Variants in ODAD2 observed in about 807,000 individuals in gnomAD.
ODAD2 encodes outer dynein arm docking complex subunit 2.
Under a neutral mutation model 106.8 loss-of-function variants are expected in ODAD2, and 89 were observed. The ratio of observed to expected loss-of-function variants is 0.83; its 90% CI spans 0.70 to 0.99. The LOEUF (loss-of-function observed/expected upper bound fraction) is 0.99, where lower values mean the gene tolerates loss of function less well. Ranked by LOEUF, ODAD2 falls within the 50% of genes least tolerant of loss-of-function variation. ODAD2 has a pLI of 0.00. For missense variants in ODAD2, 1,168 were observed against 1,238.5 expected (o/e 0.94, Z 0.85); for synonymous variants, 404 against 436.2 (o/e 0.93, Z 0.92).
chr10:27,933,221 G>A (rs1590059869), intron 16 of ODAD2, among the ~76,000 whole-genome samples: 1 of 152,122 alleles, frequency 6.6e-6, no homozygotes, highest in African/African-American at 2.4e-5. Context: ...CTGTATTTCA[G>A]CCTGGGTGAC....
chr10:27,941,141 A>T (rs1846389040), intron 12 of ODAD2, among the ~76,000 whole-genome samples: 1 of 152,114 alleles, frequency 6.6e-6, no homozygotes, highest in Admixed American at 6.6e-5. Flanking sequence ...AGCTTCCCTA[A>T]AACCATTAGC....
chr10:27,886,586 TA>T (rs937686133), intron 17 of ODAD2, among the ~76,000 whole-genome samples: 1 of 152,026 alleles, frequency 6.6e-6, no homozygotes, highest in African/African-American at 2.4e-5. Context: ...AGTTCTTTGG[TA>T]AAAATAAATA....
chr10:27,999,573 C>T (rs2133263265), upstream of ODAD2, among the ~76,000 whole-genome samples: 1 of 152,084 alleles, frequency 6.6e-6, no homozygotes, highest in African/African-American at 2.4e-5. Flanking sequence ...ATGGCCTTTA[C>T]CTTTGTCCAT....
At chr10:27,897,467 C>G (rs1199598862) in intron 17 of ODAD2, among the ~76,000 whole-genome samples, 1 of 152,142 alleles carries the variant, frequency 6.6e-6, no homozygotes, top group African/African-American at 2.4e-5. Flanking sequence ...AAAATTCAAA[C>G]ATCCAATCAC....
intron 19 of ODAD2, among the ~76,000 whole-genome samples, chr10:27,846,048 G>A (rs1838724008): frequency 6.6e-6 from 1 of 152,160 alleles, no homozygotes; most frequent in Non-Finnish European, 1.5e-5. Context: ...TCCAGGAATT[G>A]AACTCAGCTC....
chr10:27,857,681 C>T (rs879710217), intron 19 of ODAD2, among the ~76,000 whole-genome samples: 1 of 152,304 alleles, frequency 6.6e-6, no homozygotes, highest in Admixed American at 6.5e-5. Context: ...GACCCTGCTC[C>T]GTCACTGTCA....
At chr10:27,921,591 T>C (rs768251998) in intron 16 of ODAD2, among the ~76,000 whole-genome samples, 2 of 151,918 alleles carry the variant, frequency 1.3e-5, no homozygotes, top group Admixed American at 6.6e-5. Context: ...TATATGCATA[T>C]ATAAATGGAT....
chr10:27,954,240 G>A (rs554775998), intron 10 of ODAD2, among the ~76,000 whole-genome samples: 1 of 152,232 alleles, frequency 6.6e-6, no homozygotes, highest in South Asian at 2.1e-4. Flanking sequence ...GAACCAGCCA[G>A]TACCACTACT....
chr10:27,947,486 G>T (rs1847018449), intron 10 of ODAD2, among the ~76,000 whole-genome samples: 1 of 151,740 alleles, frequency 6.6e-6, no homozygotes, highest in Non-Finnish European at 1.5e-5. Context: ...TAATAAAGGA[G>T]AATCTACATG....
chr10:27,899,340 C>T (rs755924541), intron 17 of ODAD2, among the ~76,000 whole-genome samples: 23 of 152,112 alleles, frequency 1.5e-4, no homozygotes, highest in African/African-American at 3.1e-4. Flanking sequence ...TTCCCTCAGG[C>T]GCCCACACCA....
intron 16 of ODAD2, among the ~76,000 whole-genome samples, chr10:27,930,350 T>C (rs1163718783): frequency 6.6e-6 from 1 of 152,120 alleles, no homozygotes; most frequent in African/African-American, 2.4e-5. Context: ...CTTAAGAACC[T>C]GTCTTTACAA....
At position 27,862,629 on chromosome 10, in the gene ODAD2, A is replaced by G; in HGVS notation, c.2611-7T>C. 1 of 1,585,226 alleles carries G rather than the reference A, an allele frequency of 6.3e-7. No homozygotes were observed. Among genetic ancestry groups the G allele is most frequent in the Non-Finnish European group, 8.6e-7 (1 of 1,168,390 alleles). On this transcript the variant is annotated splice_region_variant and splice_polypyrimidine_tract_variant and intron_variant, in intron 17 of 19. Coordinates refer to ENST00000305242, the MANE Select transcript of ODAD2 (RefSeq NM_018076.5). The stretch of plus-strand genomic sequence containing the variant: ...GAACCATTTCCCCAGCATCCTAGAC[A>G]AAAATAAAAGTAAAGATGGTATCAA...
intron 19 of ODAD2, among the ~76,000 whole-genome samples, chr10:27,813,102 A>T (rs190831896): frequency 2.0e-5 from 3 of 152,322 alleles, no homozygotes; most frequent in Admixed American, 1.3e-4. Context: ...TAGTCCTTGA[A>T]GGGTTTGTGC....
intron 17 of ODAD2, among the ~76,000 whole-genome samples, chr10:27,904,778 A>G (rs1242618058): frequency 3.3e-5 from 5 of 152,234 alleles, no homozygotes; most frequent in African/African-American, 1.2e-4. Context: ...CAACTCCATG[A>G]AACAAAGCTT....
chr10:27,936,800 A>G lies in ODAD2; in HGVS notation c.2178T>C (p.Thr726=). 6.2e-7 allele frequency: 1 copy of G among 1,613,974 alleles called. No homozygotes were observed. The highest frequency in any genetic ancestry group is 8.5e-7 in the Non-Finnish European group (1 of 1,179,918). Reference sequence around the variant, plus strand: ...CAGCAGCTAACCGCTCTTTATTGTCAGTGTTATTGAGTAGACTGGCCAAGG... The same window carrying G: ...CAGCAGCTAACCGCTCTTTATTGTCGGTGTTATTGAGTAGACTGGCCAAGG... ...LKPLASLLNN[T]DNKERLAAVT... is the part of the protein sequence containing the mutation. The change falls in exon 15 of 20, where the codon ACT becomes ACC. Residue 726 remains threonine, a synonymous_variant. Transcript: ENST00000305242.
At position 27,987,914 on chromosome 10, in the gene ODAD2, A is replaced by T. The variant is rs188932017; in HGVS notation, c.225-371T>A. On this transcript the variant is annotated intron_variant, in intron 2 of 19. Transcript: ENST00000305242. ...CTGCAAAACCCTTCATGCTTTGGGG[A>T]GTTCTAATGTTATTTTATTTATAAA... 1.4e-4 allele frequency among the ~76,000 whole-genome samples: 21 copies of T among 149,546 alleles called. No homozygotes were observed. The East Asian group carries it at 4.1e-3, about 30-fold the overall frequency.
At chr10:27,950,872 C>T (rs1158010158) in intron 10 of ODAD2, among the ~76,000 whole-genome samples, 1 of 151,932 alleles carries the variant, frequency 6.6e-6, no homozygotes, top group African/African-American at 2.4e-5. Flanking sequence ...TAAAAAGATT[C>T]AGAAGAATGA....
intron 16 of ODAD2, among the ~76,000 whole-genome samples, chr10:27,915,586 T>C (rs114652892): frequency 3.3e-5 from 5 of 152,042 alleles, no homozygotes; most frequent in African/African-American, 4.8e-5. Context: ...TATAGCACAG[T>C]AGGTATGGGG....
intron 17 of ODAD2, among the ~76,000 whole-genome samples, chr10:27,879,543 C>T (rs1309688001): frequency 1.3e-5 from 2 of 151,976 alleles, no homozygotes; most frequent in Non-Finnish European, 2.9e-5. Context: ...CAGGTTCAGA[C>T]AGATGCTTCT....
Sources: allele counts gnomAD v4.1 joint callset (sites outside exome capture counted in the v4.1 genomes callset), GRCh38; gene constraint gnomAD v4.1.1; transcripts MANE v1.5; gene names NCBI Gene and HGNC (gene_info 2026-07-23, HGNC 2026-07-21).